The following WDPCP variants were observed in gnomAD, a reference collection of about 807,000 sequenced individuals.
WDPCP encodes WD repeat-containing and planar cell polarity effector protein fritz homolog.
In WDPCP, 71 loss-of-function variants were observed where a neutral mutation model predicts 93.1. The observed-to-expected ratio is 0.76, with a 90% CI of 0.63 to 0.93. The LOEUF is 0.93. Among genes scored for constraint, WDPCP ranks in the 40% least tolerant of loss-of-function variants. The pLI, the probability that WDPCP is intolerant of heterozygous loss-of-function variation, is 0.00. For missense variants in WDPCP, 844 were observed against 887.4 expected (o/e 0.95, Z 0.62); for synonymous variants, 315 against 315.0 (o/e 1.00, Z 0.00).
At chr2:63,550,227 AC>A (rs1331261783) in intron 1 of WDPCP, among the ~76,000 whole-genome samples, 2 of 146,612 alleles carry the variant, frequency 1.4e-5, no homozygotes, top group African/African-American at 2.5e-5. Flanking sequence ...ACACACACAC[AC>A]ACACACACAC....
At position 63,390,526 on chromosome 2, in the gene WDPCP, A is replaced by C. The variant is rs192306787; in HGVS notation, c.1436-8432T>G. Among the ~76,000 whole-genome samples, 27 of 152,366 alleles carry C rather than the reference A, an allele frequency of 1.8e-4. No individual in the cohort carries two copies. In the East Asian group the frequency reaches 2.5e-3, roughly 14 times the overall value. On this transcript the variant is annotated intron_variant, in intron 10 of 17. Coordinates refer to ENST00000272321, the MANE Select transcript of WDPCP (RefSeq NM_015910.7). ...AGAGCAAACACATTCAAAAGCTAGC[A>C]GAAGGCAAGAAATAACTAAGATCAG...
intron 2 of WDPCP, among the ~76,000 whole-genome samples, chr2:63,755,382 C>T (rs1003698599): frequency 1.3e-5 from 2 of 152,278 alleles, no homozygotes; most frequent in South Asian, 4.1e-4. Context: ...CATCTAATAG[C>T]AGGAGACGCA....
intron 14 of WDPCP, among the ~76,000 whole-genome samples, chr2:63,190,256 C>G (rs1256855391): frequency 1.3e-5 from 2 of 151,500 alleles, no homozygotes; most frequent in African/African-American, 4.9e-5. Flanking sequence ...GGCAAAACCC[C>G]ATCTCTTAAA....
intron 3 of WDPCP, among the ~76,000 whole-genome samples, chr2:63,610,327 GC>G (rs1408097696): frequency 6.6e-6 from 1 of 152,154 alleles, no homozygotes; most frequent in African/African-American, 2.4e-5. Context: ...ATTGACCTCT[GC>G]AGATCATGAC....
rs1670887815 is a variant in WDPCP at position 63,139,298 on chromosome 2, CT to C, written c.2190+13615del. 3.9e-5 allele frequency among the ~76,000 whole-genome samples: 6 copies of C among 152,112 alleles called. No individual in the cohort carries two copies. In the South Asian group the frequency reaches 1.2e-3, roughly 32 times the overall value. On this transcript the variant is annotated intron_variant, in intron 17 of 17. Transcript: ENST00000272321. ...ACTATAAAAATGCATGTACAAGTAT[CT>C]TTTTTGAGTAATGACTTCTTTTCTT...
intron 1 of WDPCP, among the ~76,000 whole-genome samples, chr2:63,497,887 G>T (rs753805625): frequency 6.6e-6 from 1 of 152,160 alleles, no homozygotes; most frequent in Non-Finnish European, 1.5e-5. Flanking sequence ...ATTTTCAGAA[G>T]GGGGTGCGGG....
intron 14 of WDPCP, among the ~76,000 whole-genome samples, chr2:63,239,778 C>G (rs1008363363): frequency 1.8e-4 from 27 of 152,052 alleles, no homozygotes; most frequent in African/African-American, 6.3e-4. Flanking sequence ...TTTTGCTACA[C>G]TTTTAAATTT....
At chr2:63,565,067 C>G (rs993688556) in intron 1 of WDPCP, among the ~76,000 whole-genome samples, 6 of 152,284 alleles carry the variant, frequency 3.9e-5, no homozygotes, top group African/African-American at 1.4e-4. Context: ...TGAGTCATGG[C>G]ACCTGGCCAA....
intron 3 of WDPCP, among the ~76,000 whole-genome samples, chr2:63,635,752 T>C (rs982620118): frequency 6.6e-6 from 1 of 152,228 alleles, no homozygotes; most frequent in Admixed American, 6.5e-5. Context: ...TAATATCATT[T>C]CAACGGTGAA....
chr2:63,213,330 C>T lies in WDPCP; in HGVS notation c.1916-38498G>A, dbSNP rs192056039. Among the ~76,000 whole-genome samples, 924 of 152,234 alleles carry T rather than the reference C, an allele frequency of 6.1e-3. 7 individuals carry two copies. The highest frequency in any genetic ancestry group is 7.9e-3 in the East Asian group (41 of 5,182). ...CAGGATTAAGAAACTCACTCAAAACCGCTCAACTACATGGAAACTGAACAA... is the reference window on the plus strand; with the variant it reads ...CAGGATTAAGAAACTCACTCAAAACTGCTCAACTACATGGAAACTGAACAA... On this transcript the variant is annotated intron_variant, in intron 14 of 17. Transcript: ENST00000272321.
At chr2:63,329,830 A>T (rs1687845862) in intron 12 of WDPCP, among the ~76,000 whole-genome samples, 1 of 152,182 alleles carries the variant, frequency 6.6e-6, no homozygotes, top group Non-Finnish European at 1.5e-5. Flanking sequence ...TTACACATGT[A>T]AGTGAGATCA....
At chr2:63,775,985 G>A (rs965366265) in intron 2 of WDPCP, among the ~76,000 whole-genome samples, 1 of 151,998 alleles carries the variant, frequency 6.6e-6, no homozygotes, top group African/African-American at 2.4e-5. Context: ...AACTGCTTGA[G>A]CCCAAGAGTT....
At chr2:63,540,798 G>T (rs958492049) in intron 1 of WDPCP, among the ~76,000 whole-genome samples, 1 of 152,120 alleles carries the variant, frequency 6.6e-6, no homozygotes, top group Non-Finnish European at 1.5e-5. Context: ...CTGTTGCCCA[G>T]GCTGGAGTGC....
chr2:63,126,258 T>C (rs1237862929), intron 17 of WDPCP, among the ~76,000 whole-genome samples: 1 of 152,156 alleles, frequency 6.6e-6, no homozygotes, highest in African/African-American at 2.4e-5. Flanking sequence ...TGAGTGTGAA[T>C]ATAGAATGCT....
intron 17 of WDPCP, among the ~76,000 whole-genome samples, chr2:63,147,441 T>C (rs1312806539): frequency 6.6e-6 from 1 of 152,154 alleles, no homozygotes; most frequent in South Asian, 2.1e-4. Context: ...AAGTGGGTTA[T>C]AGAGAATCAA....
At chr2:63,480,278 G>C (rs1357372391) in intron 6 of WDPCP, among the ~76,000 whole-genome samples, 1 of 152,064 alleles carries the variant, frequency 6.6e-6, no homozygotes, top group Non-Finnish European at 1.5e-5. Context: ...TCATGGATGG[G>C]TAGAATCAAT....
intron 3 of WDPCP, among the ~76,000 whole-genome samples, chr2:63,612,027 A>C (rs529667779): frequency 1.3e-5 from 2 of 152,338 alleles, no homozygotes; most frequent in African/African-American, 4.8e-5. Flanking sequence ...AGACTTCTGC[A>C]ATAACAATGG....
At chr2:63,838,962 A>G in the WDPCP span, among the ~76,000 whole-genome samples, 1 of 152,174 alleles carries the variant, frequency 6.6e-6, no homozygotes, top group Non-Finnish European at 1.5e-5. Context: ...TTTTATAAGT[A>G]CTGTTTGGAA....
At position 63,352,509 on chromosome 2, in the gene WDPCP, G is replaced by C. The variant is rs180787744; in HGVS notation, c.1748+25877C>G. Among the ~76,000 whole-genome samples the C allele has an allele frequency of 1.8e-4, 28 of 152,304 alleles. 1 individual carries two copies. In the East Asian group the frequency reaches 4.6e-3, roughly 25 times the overall value. ...TTGAGTGCCGATACTTTATAACTTA[G>C]TAGTATGATAAAATATAAACTAAAT... is the stretch of plus-strand genomic sequence containing the variant. On this transcript the variant is annotated intron_variant, in intron 12 of 17. Coordinates refer to ENST00000272321, the MANE Select transcript of WDPCP (RefSeq NM_015910.7).
Sources: allele counts gnomAD v4.1 joint callset (sites outside exome capture counted in the v4.1 genomes callset), GRCh38; gene constraint gnomAD v4.1.1; transcripts MANE v1.5; gene names NCBI Gene and HGNC (gene_info 2026-07-23, HGNC 2026-07-21).